The following PIK3C2G variants were observed in gnomAD, a reference collection of about 807,000 sequenced individuals.
The protein encoded by PIK3C2G is phosphatidylinositol 3-kinase C2 domain-containing subunit gamma.
A neutral mutation model predicts 181.1 loss-of-function variants in PIK3C2G; 168 were observed. The observed-to-expected ratio is 0.93, with a 90% CI of 0.82 to 1.05. The LOEUF is 1.05. PIK3C2G is among the 50% of genes least tolerant of loss of function. The pLI, the probability that PIK3C2G is intolerant of heterozygous loss-of-function variation, is 0.00. For synonymous variants in PIK3C2G, 573 were observed against 592.2 expected, an observed-to-expected ratio of 0.97 and a Z score of 0.47; for missense variants, 1,869 against 1,732.8, an observed-to-expected ratio of 1.08 and a Z score of -1.40.
intron 18 of PIK3C2G, among the ~76,000 whole-genome samples, chr12:18,468,270 A>G (rs771618893): frequency 6.6e-6 from 1 of 151,972 alleles, no homozygotes; most frequent in African/African-American, 2.4e-5. Flanking sequence ...CAGAGCTCCA[A>G]CTCTGTTCAT....
At chr12:18,303,834 G>C (rs1160705497) in intron 5 of PIK3C2G, among the ~76,000 whole-genome samples, 1 of 151,888 alleles carries the variant, frequency 6.6e-6, no homozygotes, top group African/African-American at 2.4e-5. Flanking sequence ...TCGGCCAATT[G>C]CTTACAGGAT....
Position 18,488,450 on chromosome 12 carries a change from C to G in PIK3C2G, c.2506C>G (p.Leu836Val). The change falls in exon 19 of 33, where the codon CTG (leucine) becomes GTG (valine). Residue 836 changes from leucine to valine, a missense_variant and splice_region_variant. By Grantham distance (32) the Leu-to-Val change is conservative. Transcript: ENST00000538779. ...TTTTTTTCTCTCTCTTTCCTTCAGG[C>G]TGCTAAAAAATGCAGAAAATGAAGC... ...SIQVAHRLYW[L>V]LKNAENEAYF... 1 of 1,503,598 alleles carries G rather than the reference C, an allele frequency of 6.7e-7. No individual in the cohort carries two copies. The highest frequency in any genetic ancestry group is 8.9e-7 in the Non-Finnish European group (1 of 1,126,172). The allele number at this position is 1,503,598 out of a possible 1,614,324, so 93.1% of individuals were successfully genotyped here.
chr12:18,713,545 T>C, the PIK3C2G span, among the ~76,000 whole-genome samples: 1 of 152,166 alleles, frequency 6.6e-6, no homozygotes, highest in African/African-American at 2.4e-5. Flanking sequence ...CTACACAGTA[T>C]GGAAGCTAGA....
intron 31 of PIK3C2G, among the ~76,000 whole-genome samples, chr12:18,622,338 T>C (rs976226299): frequency 3.3e-5 from 5 of 152,060 alleles, no homozygotes; most frequent in Non-Finnish European, 4.4e-5. Flanking sequence ...CTTATTTTAC[T>C]TAGCGTAATA....
intron 8 of PIK3C2G, among the ~76,000 whole-genome samples, chr12:18,331,228 C>T (rs1030288215): frequency 7.9e-5 from 12 of 152,018 alleles, no homozygotes; most frequent in Admixed American, 5.3e-4. Flanking sequence ...TACTTTGCTA[C>T]GATTGCGTTG....
chr12:18,712,766 T>G, the PIK3C2G span: 1 of 1,518,000 alleles, frequency 6.6e-7, no homozygotes, highest in Non-Finnish European at 9.1e-7. Context: ...AGGCTAAGCA[T>G]TATAGGATTT....
At position 18,620,649 on chromosome 12, in the gene PIK3C2G, C is replaced by T. The variant is rs145655779; in HGVS notation, c.4182+11020C>T. Among the ~76,000 whole-genome samples the T allele has an allele frequency of 7.1e-3, 1,086 of 152,120 alleles. 7 individuals carry two copies. Among genetic ancestry groups the T allele is most frequent in the African/African-American group, 0.01 (417 of 41,540 alleles). The stretch of plus-strand genomic sequence containing the variant: ...CTATACTCATCCATAACTCTTTAAA[C>T]TTTCCCAAGTGCTATTGCTAAGCCA... On this transcript the variant is annotated intron_variant, in intron 31 of 32. Transcript: ENST00000538779.
chr12:18,471,724 T>A (rs1565759074), intron 18 of PIK3C2G, among the ~76,000 whole-genome samples: 1 of 152,258 alleles, frequency 6.6e-6, no homozygotes, highest in East Asian at 1.9e-4. Context: ...ACCAAAAAAA[T>A]TTATACTATT....
upstream of PIK3C2G, among the ~76,000 whole-genome samples, chr12:18,256,774 G>T (rs1948149885): frequency 6.6e-6 from 1 of 152,014 alleles, no homozygotes; most frequent in Non-Finnish European, 1.5e-5. Flanking sequence ...CAATATCTGT[G>T]TTCTCTCCCA....
chr12:18,658,189 G>A, the PIK3C2G span, among the ~76,000 whole-genome samples: 1 of 152,160 alleles, frequency 6.6e-6, no homozygotes, highest in African/African-American at 2.4e-5. Flanking sequence ...GATCCTAAGA[G>A]ACCTATGAAA....
At chr12:18,308,837 T>C (rs1239690086) in intron 5 of PIK3C2G, among the ~76,000 whole-genome samples, 1 of 151,688 alleles carries the variant, frequency 6.6e-6, no homozygotes, top group African/African-American at 2.4e-5. Context: ...ATTTTTATTA[T>C]AAATACTATA....
At chr12:18,589,969 TTC>T (rs1374538242) in intron 29 of PIK3C2G, among the ~76,000 whole-genome samples, 6 of 152,044 alleles carry the variant, frequency 3.9e-5, no homozygotes, top group African/African-American at 1.4e-4. Context: ...CACTCTTCAC[TTC>T]TATAGTCCAT....
chr12:18,550,218 T>G (rs1944653176), intron 26 of PIK3C2G, among the ~76,000 whole-genome samples: 1 of 152,038 alleles, frequency 6.6e-6, no homozygotes, highest in African/African-American at 2.4e-5. Context: ...TAACTACCAT[T>G]TAGAAATATT....
At chr12:18,308,871 T>A (rs10770353) in intron 5 of PIK3C2G, among the ~76,000 whole-genome samples, 1 of 151,322 alleles carries the variant, frequency 6.6e-6, no homozygotes, top group Non-Finnish European at 1.5e-5. Context: ...AAATAATTTG[T>A]GAGGAATGTA....
At chr12:18,371,429 A>G (rs568737493) in intron 13 of PIK3C2G, 118 bp downstream of exon 13, 107 of 809,368 alleles carry the variant, frequency 1.3e-4, no homozygotes, top group Middle Eastern at 1.2e-3. Context: ...TAAAATTGAC[A>G]TAGTTCAATA....
chr12:18,260,906 C>T (rs1372472597), upstream of PIK3C2G, among the ~76,000 whole-genome samples: 1 of 152,076 alleles, frequency 6.6e-6, no homozygotes, highest in African/African-American at 2.4e-5. Context: ...AAACCACCCA[C>T]ATCTACTTGC....
the PIK3C2G span, among the ~76,000 whole-genome samples, chr12:18,699,114 C>T: frequency 6.6e-6 from 1 of 152,136 alleles, no homozygotes; most frequent in Non-Finnish European, 1.5e-5. Flanking sequence ...GAATTAGAGG[C>T]AGTGAAAGGA....
At chr12:18,526,186 C>T (rs911286954) in intron 24 of PIK3C2G, among the ~76,000 whole-genome samples, 2 of 152,146 alleles carry the variant, frequency 1.3e-5, no homozygotes, top group Non-Finnish European at 2.9e-5. Context: ...TTGTGTCTTA[C>T]TCCAATCATT....
At chr12:18,488,404 A>AC in intron 18 of PIK3C2G, 45 bp from the exon 19 acceptor site, 1 of 1,358,158 alleles carries the variant, frequency 7.4e-7, no homozygotes, top group Non-Finnish European at 9.8e-7. Context: ...TGGTTTAAAA[A>AC]ATTAGCTTTA....
Sources: allele counts gnomAD v4.1 joint callset (sites outside exome capture counted in the v4.1 genomes callset), GRCh38; gene constraint gnomAD v4.1.1; transcripts MANE v1.5; gene names NCBI Gene and HGNC (gene_info 2026-07-23, HGNC 2026-07-21).